CSMD3: variants seen among roughly 807,000 people sequenced by gnomAD.
CSMD3 encodes CUB and Sushi multiple domains 3, also known as CUB and sushi domain-containing protein 3.
Under a neutral mutation model 435.2 loss-of-function variants are expected in CSMD3, and 177 were observed. The observed-to-expected ratio is 0.41, with a 90% CI of 0.36 to 0.46. CSMD3 has a LOEUF of 0.46. Ranked by LOEUF, CSMD3 falls within the 20% of genes least tolerant of loss-of-function variation. The pLI is 0.34. For missense variants in CSMD3, 4,265 were observed against 4,504.6 expected (o/e 0.95, Z 1.52); for synonymous variants, 1,656 against 1,520.5 (o/e 1.09, Z -2.07).
At chr8:112,804,046 G>T (rs2079022990) in intron 12 of CSMD3, among the ~76,000 whole-genome samples, 1 of 152,166 alleles carries the variant, frequency 6.6e-6, no homozygotes, top group African/African-American at 2.4e-5. Context: ...CCTTGTAGCT[G>T]TACTCGAAAT....
At chr8:112,782,854 C>T (rs1338261405) in intron 13 of CSMD3, among the ~76,000 whole-genome samples, 1 of 151,954 alleles carries the variant, frequency 6.6e-6, no homozygotes, top group Non-Finnish European at 1.5e-5. Context: ...AAATAACCTT[C>T]AAACATGAAG....
At chr8:112,759,129 A>G (rs1205849169) in intron 13 of CSMD3, among the ~76,000 whole-genome samples, 1 of 152,126 alleles carries the variant, frequency 6.6e-6, no homozygotes, top group Non-Finnish European at 1.5e-5. Context: ...AAGGCAAGTT[A>G]GTGATAAAAG....
At chr8:113,130,940 G>C (rs928317371) in intron 4 of CSMD3, among the ~76,000 whole-genome samples, 1 of 152,124 alleles carries the variant, frequency 6.6e-6, no homozygotes, top group Non-Finnish European at 1.5e-5. Flanking sequence ...TATTGCCTCT[G>C]CCCTAGAAAT....
intron 6 of CSMD3, among the ~76,000 whole-genome samples, chr8:113,016,111 T>G (rs905617763): frequency 4.0e-5 from 6 of 151,746 alleles, no homozygotes; most frequent in African/African-American, 1.4e-4. Context: ...AGTAATAAAT[T>G]ATTTAAGTAA....
chr8:112,944,351 A>T (rs1017180169), intron 9 of CSMD3, among the ~76,000 whole-genome samples: 3 of 151,610 alleles, frequency 2.0e-5, no homozygotes, highest in Admixed American at 6.6e-5. Flanking sequence ...TGTCCTTGGG[A>T]TCCCATTTAT....
rs549845187 is a variant in CSMD3, at chr8:112,258,744, A to G, written c.9863-3317T>C. On this transcript the variant is annotated intron_variant, in intron 61 of 70. Transcript: ENST00000297405. The stretch of plus-strand genomic sequence containing the variant: ...CGATTCCTCAAGCATCTAGAACTAG[A>G]AATACCATTTGATGGCCTGGCACAG... Among the ~76,000 whole-genome samples, 35 of 152,324 alleles carry G rather than the reference A, an allele frequency of 2.3e-4. No homozygotes were observed. The South Asian group carries it at 7.0e-3, about 31-fold the overall frequency.
intron 38 of CSMD3, among the ~76,000 whole-genome samples, chr8:112,374,393 C>A (rs1182254707): frequency 6.6e-6 from 1 of 151,906 alleles, no homozygotes; most frequent in African/African-American, 2.4e-5. Context: ...TTTCTATTTA[C>A]AATTATAATT....
chr8:113,066,246 A>C (rs1200093833), intron 5 of CSMD3, among the ~76,000 whole-genome samples: 1 of 152,068 alleles, frequency 6.6e-6, no homozygotes, highest in Non-Finnish European at 1.5e-5. Context: ...AAATTTGTAC[A>C]GTATATTGTT....
At chr8:112,785,183 A>G (rs529956484) in intron 13 of CSMD3, among the ~76,000 whole-genome samples, 1 of 152,110 alleles carries the variant, frequency 6.6e-6, no homozygotes, top group East Asian at 1.9e-4. Flanking sequence ...TCAATTAACA[A>G]TGAACAATCA....
At chr8:112,993,554 C>G in intron 6 of CSMD3, among the ~76,000 whole-genome samples, 1 of 151,754 alleles carries the variant, frequency 6.6e-6, no homozygotes, top group South Asian at 2.1e-4. Flanking sequence ...GTGCTATGCA[C>G]TATTATGCTG....
intron 40 of CSMD3, among the ~76,000 whole-genome samples, chr8:112,348,223 G>T (rs977151233): frequency 2.0e-5 from 3 of 152,160 alleles, no homozygotes; most frequent in African/African-American, 7.2e-5. Context: ...TATCAATTTT[G>T]TGTGTGTCAT....
chr8:112,496,233 T>G (rs59255944), intron 30 of CSMD3, among the ~76,000 whole-genome samples: 1 of 152,152 alleles, frequency 6.6e-6, no homozygotes, highest in Non-Finnish European at 1.5e-5. Flanking sequence ...CCTCCCAAAG[T>G]GCTGGAAATA....
chr8:112,373,022 ATTT>A (rs58793930), intron 38 of CSMD3, among the ~76,000 whole-genome samples: 56,305 of 138,158 alleles, frequency 0.41, 12,409 homozygotes, highest in Middle Eastern at 0.54. Context: ...ATATATATAT[ATTT>A]TTTTTCTCAT....
At chr8:112,425,091 T>C (rs1196757860) in intron 32 of CSMD3, among the ~76,000 whole-genome samples, 1 of 152,232 alleles carries the variant, frequency 6.6e-6, no homozygotes, top group Admixed American at 6.5e-5. Flanking sequence ...TGTTAAAAAT[T>C]CTTTACAGTT....
chr8:112,805,628 G>A (rs113522121), intron 12 of CSMD3, among the ~76,000 whole-genome samples: 4 of 152,090 alleles, frequency 2.6e-5, no homozygotes, highest in African/African-American at 4.8e-5. Flanking sequence ...CTCCATTCAC[G>A]CCTTTAGTTT....
chr8:112,295,322 G>A (rs1477260234), intron 54 of CSMD3, among the ~76,000 whole-genome samples: 2 of 152,162 alleles, frequency 1.3e-5, no homozygotes, highest in African/African-American at 2.4e-5. Flanking sequence ...CCTGAAATGA[G>A]AGCAAAGGTT....
chr8:113,365,150 T>C (rs2094303246), intron 1 of CSMD3, among the ~76,000 whole-genome samples: 2 of 152,086 alleles, frequency 1.3e-5, no homozygotes, highest in Admixed American at 6.5e-5. Context: ...TTATGACTTT[T>C]CATGGAAATT....
intron 10 of CSMD3, among the ~76,000 whole-genome samples, chr8:112,899,945 C>T (rs1041749037): frequency 1.3e-5 from 2 of 150,676 alleles, no homozygotes; most frequent in Non-Finnish European, 3.0e-5. Flanking sequence ...GAATAAAGTA[C>T]CTTCAATTTG....
intron 38 of CSMD3, among the ~76,000 whole-genome samples, chr8:112,376,306 G>A: frequency 6.6e-6 from 1 of 152,086 alleles, no homozygotes; most frequent in Non-Finnish European, 1.5e-5. Context: ...CATATGGTAG[G>A]TGTTCAAAAT....
Sources: allele counts gnomAD v4.1 joint callset (sites outside exome capture counted in the v4.1 genomes callset), GRCh38; gene constraint gnomAD v4.1.1; transcripts MANE v1.5; gene names NCBI Gene and HGNC (gene_info 2026-07-23, HGNC 2026-07-21).